The following MYT1L variants were observed in gnomAD, a reference collection of about 807,000 sequenced individuals.
MYT1L encodes the protein myelin transcription factor 1-like protein.
Under a neutral mutation model 126.7 loss-of-function variants are expected in MYT1L, and 12 were observed. That is an observed-to-expected ratio of 0.09 (90% CI 0.06 to 0.15). The LOEUF is 0.15. Ranked by LOEUF, MYT1L falls within the 10% of genes least tolerant of loss-of-function variation. The pLI, the probability that MYT1L is intolerant of heterozygous loss-of-function variation, is 1.00. For missense variants in MYT1L, 979 were observed against 1,585.2 expected, an observed-to-expected ratio of 0.62 and a Z score of 6.49; for synonymous variants, 541 against 604.2, an observed-to-expected ratio of 0.90 and a Z score of 1.53.
At chr2:2,212,475 T>A (rs780365381) in intron 2 of MYT1L, among the ~76,000 whole-genome samples, 14 of 152,242 alleles carry the variant, frequency 9.2e-5, no homozygotes, top group Non-Finnish European at 1.8e-4. Context: ...ATTCATAATT[T>A]ATTACTCTAA....
At chr2:1,837,680 G>A (rs2041096584) in intron 21 of MYT1L, among the ~76,000 whole-genome samples, 1 of 152,048 alleles carries the variant, frequency 6.6e-6, no homozygotes, top group Non-Finnish European at 1.5e-5. Flanking sequence ...GACACCCTGG[G>A]CTTCTGTGCA....
chr2:2,196,185 G>A (rs1363581377), intron 2 of MYT1L, among the ~76,000 whole-genome samples: 1 of 151,930 alleles, frequency 6.6e-6, no homozygotes, highest in African/African-American at 2.4e-5. Flanking sequence ...AGCAAAAAAT[G>A]ATGGTATTCA....
At chr2:2,053,260 A>T (rs2069063848) in intron 4 of MYT1L, among the ~76,000 whole-genome samples, 1 of 152,174 alleles carries the variant, frequency 6.6e-6, no homozygotes, top group African/African-American at 2.4e-5. Context: ...AGTGTGGGGG[A>T]GGCCTGGGGA....
At chr2:2,130,456 G>A (rs1012731250) in intron 3 of MYT1L, among the ~76,000 whole-genome samples, 7 of 152,136 alleles carry the variant, frequency 4.6e-5, no homozygotes, top group African/African-American at 9.7e-5. Flanking sequence ...AAATAAAGGC[G>A]CAGGTGTCCA....
chr2:2,329,205 A>G (rs887555925), intron 1 of MYT1L, among the ~76,000 whole-genome samples: 4 of 151,884 alleles, frequency 2.6e-5, no homozygotes, highest in African/African-American at 9.7e-5. Flanking sequence ...TCTAAATCCT[A>G]CTATAATCAC....
At chr2:2,231,311 T>G (rs556675078) in intron 2 of MYT1L, among the ~76,000 whole-genome samples, 1 of 152,384 alleles carries the variant, frequency 6.6e-6, no homozygotes, top group East Asian at 1.9e-4. Flanking sequence ...TGTCATTTGC[T>G]AATTAACAAA....
Position 1,917,068 on chromosome 2 carries a change from C to T in MYT1L, c.1618+137G>A, listed in dbSNP as rs2052946621. ...GCCCACGAATCCTGGATCAGTTGCC[C>T]ATCAAGTTAAGTAGGGGCCTAGTTA... On this transcript the variant is annotated intron_variant, in intron 11 of 24. Coordinates refer to ENST00000647738, the MANE Select transcript of MYT1L (RefSeq NM_001303052.2). This position sits in a 1 kb window ranked among gnomAD's most constrained non-coding sequence, Gnocchi z 5.9. 8.7e-7 allele frequency: 1 copy of T among 1,143,618 alleles called. No homozygotes were observed. The highest frequency in any genetic ancestry group is 1.8e-5 in the South Asian group (1 of 54,706). 70.8% of individuals were successfully genotyped at this position (1,143,618 alleles called of 1,614,324 possible). A position where few individuals can be genotyped will look rare whatever the true frequency, so the allele number is the denominator to read the frequency against.
At chr2:1,872,275 C>A (rs2046371151) in intron 18 of MYT1L, among the ~76,000 whole-genome samples, 2 of 152,202 alleles carry the variant, frequency 1.3e-5, no homozygotes, top group Non-Finnish European at 2.9e-5. Context: ...CCATCACGTT[C>A]TCACCCTCAC....
At chr2:2,103,801 A>G (rs1302749738) in intron 3 of MYT1L, among the ~76,000 whole-genome samples, 1 of 152,234 alleles carries the variant, frequency 6.6e-6, no homozygotes, top group African/African-American at 2.4e-5. Flanking sequence ...GGTGACAAGC[A>G]GGTGTTGTCA....
chr2:2,185,861 A>C (rs1234427114), intron 2 of MYT1L, among the ~76,000 whole-genome samples: 9,201 of 88,790 alleles, frequency 0.1, 580 homozygotes, highest in African/African-American at 0.19. Context: ...CGGGCCTCCC[A>C]GACGCCCGCG....
rs533914075 is a variant in MYT1L, at chr2:2,289,246, C to T, written c.-520-4743G>A. Among the ~76,000 whole-genome samples the T allele has an allele frequency of 4.1e-4, 63 of 152,238 alleles. No homozygotes were observed. In the South Asian group the frequency reaches 0.011, roughly 26 times the overall value. ...CCTCTGTTAATCATACTGCCAGATA[C>T]GTTGAAGTTTTATTGCATGTTGGCC... On this transcript the variant is annotated intron_variant, in intron 1 of 24. Coordinates refer to ENST00000647738, the MANE Select transcript of MYT1L (RefSeq NM_001303052.2).
intron 4 of MYT1L, among the ~76,000 whole-genome samples, chr2:2,003,749 T>C (rs2062658133): frequency 2.0e-5 from 3 of 152,144 alleles, no homozygotes; most frequent in African/African-American, 4.8e-5. Flanking sequence ...TCTGCACGCC[T>C]TCCTGTGTGG....
At chr2:2,247,744 T>C (rs2094561377) in intron 2 of MYT1L, among the ~76,000 whole-genome samples, 2 of 152,088 alleles carry the variant, frequency 1.3e-5, no homozygotes, top group African/African-American at 4.8e-5. Context: ...TTTCCATGAA[T>C]TTTACAAATA....
chr2:1,866,514 G>GGA (rs534898130), intron 18 of MYT1L, among the ~76,000 whole-genome samples: 2 of 141,888 alleles, frequency 1.4e-5, no homozygotes, highest in Admixed American at 1.4e-4. Context: ...AGAGAGAAGG[G>GGA]GAGAGAGAGA....
chr2:1,969,813 A>AGCAGGAGGT lies in MYT1L; in HGVS notation c.152+9343_152+9351dup, dbSNP rs1207342723. On this transcript the variant is annotated intron_variant, in intron 8 of 24. Transcript: ENST00000647738. Reference sequence around the variant, plus strand: ...CTTCTCCCACAACAGAGGTGAACACAGCAGGAGGTGCAGGAGGATGGAGCA... The same window carrying AGCAGGAGGT: ...CTTCTCCCACAACAGAGGTGAACACAGCAGGAGGTGCAGGAGGTGCAGGAGGATGGAGCA... Among the ~76,000 whole-genome samples the AGCAGGAGGT allele has an allele frequency of 2.6e-5, 4 of 152,314 alleles. No homozygotes were observed. In the East Asian group the frequency reaches 7.7e-4, roughly 29 times the overall value.
intron 4 of MYT1L, among the ~76,000 whole-genome samples, chr2:2,008,342 C>T (rs1403019723): frequency 1.3e-5 from 2 of 152,224 alleles, no homozygotes; most frequent in African/African-American, 2.4e-5. Flanking sequence ...TCTTGGTTTA[C>T]TGCAATGCCC....
Position 1,979,726 on chromosome 2 carries a change from G to C in MYT1L, c.52C>G (p.Arg18Gly). Residue 18 changes from arginine to glycine, a missense_variant, in exon 6 of 25, where the codon CGA becomes GGA. Coordinates refer to ENST00000647738, the MANE Select transcript of MYT1L (RefSeq NM_001303052.2). This position sits in a 1 kb window ranked among gnomAD's most constrained non-coding sequence, Gnocchi z 4.0. ...ATGCAGGGAAGCGCGGACATACCTC[G>C]AACCCCTTTGGACCGCGTGCGATGC... ...KRHRTRSKGV[R>G]VPVEPAIQEL... 6.2e-7 allele frequency: 1 copy of C among 1,613,974 alleles called. No individual in the cohort carries two copies. Among genetic ancestry groups the C allele is most frequent in the Admixed American group, 1.7e-5 (1 of 60,020 alleles).
At chr2:2,062,268 G>A (rs756876532) in intron 3 of MYT1L, among the ~76,000 whole-genome samples, 6 of 152,164 alleles carry the variant, frequency 3.9e-5, no homozygotes, top group Non-Finnish European at 8.8e-5. Context: ...ATATAATTGT[G>A]TCCATGTACA....
intron 12 of MYT1L, 102 bp downstream of exon 12, chr2:1,911,918 G>A (rs927181638): frequency 1.1e-5 from 9 of 851,112 alleles, no homozygotes; most frequent in Admixed American, 2.9e-5. Flanking sequence ...TGGGGAGCAC[G>A]GTGGGGAGCA....
Sources: allele counts gnomAD v4.1 joint callset (sites outside exome capture counted in the v4.1 genomes callset), GRCh38; gene constraint gnomAD v4.1.1; non-coding constraint Gnocchi (gnomAD v3.1); transcripts MANE v1.5; gene names NCBI Gene and HGNC (gene_info 2026-07-23, HGNC 2026-07-21).